SAMD8: variants seen among roughly 807,000 people sequenced by gnomAD.
SAMD8 encodes the protein sphingomyelin synthase-related protein 1.
Under a neutral mutation model 42.0 loss-of-function variants are expected in SAMD8, and 20 were observed. The observed-to-expected ratio is 0.48, with a 90% confidence interval of 0.34 to 0.69. SAMD8 has a LOEUF of 0.69. Among genes scored for constraint, SAMD8 ranks in the 30% least tolerant of loss-of-function variants. The probability of loss-of-function intolerance (pLI) is 0.01; values close to 1 mark genes in which losing one functional copy is unlikely to be tolerated. For synonymous variants in SAMD8, 162 were observed against 173.0 expected, an observed-to-expected ratio of 0.94 and a Z score of 0.50; for missense variants, 328 against 511.6, an observed-to-expected ratio of 0.64 and a Z score of 3.46.
chr10:75,165,393 G>A (rs1377379019), intron 3 of SAMD8, among the ~76,000 whole-genome samples: 3 of 151,648 alleles, frequency 2.0e-5, no homozygotes, highest in Admixed American at 6.6e-5. Flanking sequence ...ATTATTGGCC[G>A]GGCACGGTGG....
rs377422411 is a variant in SAMD8, at chr10:75,134,332, G to A, written c.-15-16182G>A. 5.3e-5 allele frequency among the ~76,000 whole-genome samples: 8 copies of A among 152,178 alleles called. No individual in the cohort carries two copies. The South Asian group carries it at 6.2e-4, about 12-fold the overall frequency. On this transcript the variant is annotated intron_variant, in intron 1 of 5. Coordinates refer to ENST00000542569, the MANE Select transcript of SAMD8 (RefSeq NM_001174156.2). The stretch of plus-strand genomic sequence containing the variant: ...CCTGCATGTCCTGCTCATGTATCCC[G>A]GAATTTAAAATAAAATAACAGGCCA...
chr10:75,118,877 A>G (rs1848942178), intron 1 of SAMD8, among the ~76,000 whole-genome samples: 1 of 152,120 alleles, frequency 6.6e-6, no homozygotes, highest in Admixed American at 6.6e-5. Flanking sequence ...TTTCATAAGA[A>G]TTGTTTTTAT....
chr10:75,164,857 C>A, intron 3 of SAMD8, 117 bp downstream of exon 3: 1 of 744,560 alleles, frequency 1.3e-6, no homozygotes, highest in Non-Finnish European at 2.3e-6. Flanking sequence ...GTCATTGTGA[C>A]ATAGTTATTA....
At chr10:75,170,770 GTTTTT>G (rs34290557) in intron 4 of SAMD8, among the ~76,000 whole-genome samples, 3 of 105,218 alleles carry the variant, frequency 2.9e-5, no homozygotes, top group East Asian at 3.6e-4. Flanking sequence ...GTTTTTTTGG[GTTTTT>G]TTTTTTTTTT....
intron 1 of SAMD8, among the ~76,000 whole-genome samples, chr10:75,145,715 C>G (rs113560965): frequency 6.6e-5 from 10 of 152,220 alleles, no homozygotes; most frequent in Admixed American, 3.9e-4. Context: ...ATCATTCCCC[C>G]CCAAAGTTGT....
intron 2 of SAMD8, among the ~76,000 whole-genome samples, chr10:75,154,082 T>A (rs1261077391): frequency 2.0e-5 from 3 of 152,094 alleles, no homozygotes; most frequent in Admixed American, 6.6e-5. Flanking sequence ...AGTAAAGAGT[T>A]TTTTGTTTTT....
chr10:75,157,901 T>A (rs1444992365), intron 2 of SAMD8, among the ~76,000 whole-genome samples: 1 of 152,180 alleles, frequency 6.6e-6, no homozygotes, highest in Non-Finnish European at 1.5e-5. Context: ...GTCTCACGCC[T>A]ATAATCCCAG....
chr10:75,112,930 G>A (rs1020846305), intron 1 of SAMD8, among the ~76,000 whole-genome samples: 1 of 152,176 alleles, frequency 6.6e-6, no homozygotes, highest in African/African-American at 2.4e-5. Context: ...CAGTCTAGGC[G>A]CAATACCAAA....
At chr10:75,153,073 C>G (rs1840328194) in intron 2 of SAMD8, among the ~76,000 whole-genome samples, 1 of 152,068 alleles carries the variant, frequency 6.6e-6, no homozygotes, top group Non-Finnish European at 1.5e-5. Flanking sequence ...CCTCCGCCTC[C>G]TGGGTTCAAG....
intron 2 of SAMD8, among the ~76,000 whole-genome samples, chr10:75,162,573 C>A (rs2132192940): frequency 6.7e-6 from 1 of 150,348 alleles, no homozygotes; most frequent in African/African-American, 2.4e-5. Context: ...TGCTTGAACC[C>A]AGGAGGCGGA....
At chr10:75,155,188 C>CA (rs1247793690) in intron 2 of SAMD8, among the ~76,000 whole-genome samples, 2 of 152,154 alleles carry the variant, frequency 1.3e-5, no homozygotes, top group Admixed American at 1.3e-4. Flanking sequence ...TACCACCCCC[C>CA]AGCCTATTCC....
intron 2 of SAMD8, among the ~76,000 whole-genome samples, chr10:75,163,161 G>T (rs1050021925): frequency 3.9e-5 from 6 of 152,062 alleles, no homozygotes; most frequent in Admixed American, 2.0e-4. Context: ...TCCTGACCTC[G>T]TGATCCACCC....
intron 1 of SAMD8, among the ~76,000 whole-genome samples, chr10:75,149,678 G>A (rs1020957390): frequency 6.6e-6 from 1 of 151,994 alleles, no homozygotes; most frequent in East Asian, 1.9e-4. Context: ...GGGGAGATAC[G>A]TTTTCCATGA....
chr10:75,175,300 T>C (rs1707115946), intron 4 of SAMD8, among the ~76,000 whole-genome samples: 1 of 152,180 alleles, frequency 6.6e-6, no homozygotes. Context: ...GCTGCCTCAA[T>C]ATATTTGAGA....
chr10:75,132,449 G>T (rs1849293940), intron 1 of SAMD8, among the ~76,000 whole-genome samples: 1 of 152,036 alleles, frequency 6.6e-6, no homozygotes, highest in African/African-American at 2.4e-5. Flanking sequence ...CCAACTCTGG[G>T]GAACTGACAG....
At chr10:75,153,686 G>A (rs1053638201) in intron 2 of SAMD8, among the ~76,000 whole-genome samples, 2 of 151,854 alleles carry the variant, frequency 1.3e-5, no homozygotes, top group Non-Finnish European at 2.9e-5. Context: ...AATTTAAAAT[G>A]TCCGTGTTCC....
At chr10:75,130,146 A>C (rs979841456) in intron 1 of SAMD8, among the ~76,000 whole-genome samples, 1 of 152,116 alleles carries the variant, frequency 6.6e-6, no homozygotes, top group African/African-American at 2.4e-5. Context: ...GAATATCATA[A>C]TGTCTTTATA....
At chr10:75,117,991 G>C (rs1176644205) in intron 1 of SAMD8, among the ~76,000 whole-genome samples, 2 of 152,154 alleles carry the variant, frequency 1.3e-5, no homozygotes, top group African/African-American at 4.8e-5. Context: ...AGATAACTTG[G>C]TGCAGCCTGA....
chr10:75,122,448 G>GA (rs981336399), intron 1 of SAMD8, among the ~76,000 whole-genome samples: 3 of 151,358 alleles, frequency 2.0e-5, no homozygotes, highest in African/African-American at 4.9e-5. Context: ...CCTGTCTCCA[G>GA]AAAAAAAATA....
Sources: gnomAD v4.1 joint callset for allele counts (sites outside exome capture counted in the v4.1 genomes callset) on GRCh38, gnomAD v4.1.1 for gene constraint, MANE v1.5 for transcripts, NCBI Gene and HGNC (gene_info 2026-07-23, HGNC 2026-07-21) for gene names.